LEKR1: variants seen among roughly 807,000 people sequenced by gnomAD.
The protein encoded by LEKR1 is leucine, glutamate and lysine rich 1.
In LEKR1, 59 loss-of-function variants were observed where a neutral mutation model predicts 72.4. The observed-to-expected ratio is 0.82, with a 90% CI of 0.66 to 1.01. The LOEUF (loss-of-function observed/expected upper bound fraction) is 1.01, where lower values mean the gene tolerates loss of function less well. LEKR1 is among the 50% of genes least tolerant of loss of function. LEKR1 has a pLI of 0.00. For synonymous variants in LEKR1, 257 were observed against 263.2 expected (o/e 0.98, Z 0.23); for missense variants, 728 against 759.2 (o/e 0.96, Z 0.48).
chr3:156,849,688 G>T lies in LEKR1; in HGVS notation c.49-3080G>T, dbSNP rs1379545017. 2.0e-5 allele frequency among the ~76,000 whole-genome samples: 3 copies of T among 152,148 alleles called. No individual in the cohort carries two copies. In the South Asian group the frequency reaches 6.2e-4, roughly 32 times the overall value. ...TTCCCTATTTAATAAATGATGCTGGGAAAACTGGCCAGCCATATGTAGAAA... is the reference window on the plus strand; with the variant it reads ...TTCCCTATTTAATAAATGATGCTGGTAAAACTGGCCAGCCATATGTAGAAA... On this transcript the variant is annotated intron_variant, in intron 2 of 12. Transcript: ENST00000356539.
intron 7 of LEKR1, 36 bp downstream of exon 7, chr3:156,979,311 C>A: frequency 3.2e-6 from 3 of 923,990 alleles, no homozygotes; most frequent in Non-Finnish European, 4.6e-6. Flanking sequence ...TATAACAGTG[C>A]TCTGTAGATG....
chr3:156,942,289 A>G (rs1467451630), intron 5 of LEKR1, among the ~76,000 whole-genome samples: 9 of 151,624 alleles, frequency 5.9e-5, no homozygotes, highest in African/African-American at 2.2e-4. Flanking sequence ...AATACAATTT[A>G]AAAGCTAAAA....
intron 3 of LEKR1, among the ~76,000 whole-genome samples, chr3:156,913,727 C>G (rs1216717793): frequency 6.6e-6 from 1 of 152,132 alleles, no homozygotes. Flanking sequence ...AGAACTTTGT[C>G]AAGAGATTGG....
intron 2 of LEKR1, among the ~76,000 whole-genome samples, chr3:156,829,760 A>T (rs1240135202): frequency 6.6e-6 from 1 of 152,218 alleles, no homozygotes; most frequent in Non-Finnish European, 1.5e-5. Context: ...AGCCCCTTTT[A>T]TGCAGATGAC....
At chr3:156,877,729 G>A (rs764557539) in intron 3 of LEKR1, among the ~76,000 whole-genome samples, 3 of 151,850 alleles carry the variant, frequency 2.0e-5, no homozygotes, top group Non-Finnish European at 2.9e-5. Flanking sequence ...CTCACTAATA[G>A]CCTGTCAATT....
intron 2 of LEKR1, among the ~76,000 whole-genome samples, chr3:156,837,264 G>A (rs574456667): frequency 1.3e-5 from 2 of 152,314 alleles, no homozygotes; most frequent in East Asian, 3.9e-4. Flanking sequence ...AAGATGACAA[G>A]AGCCCTGTAG....
At chr3:156,909,387 C>G (rs1211839552) in intron 3 of LEKR1, among the ~76,000 whole-genome samples, 2 of 152,192 alleles carry the variant, frequency 1.3e-5, no homozygotes, top group South Asian at 2.1e-4. Flanking sequence ...GCTGGTGGGT[C>G]ATGCCTGCAA....
At chr3:156,895,441 C>T (rs1003752081) in intron 3 of LEKR1, among the ~76,000 whole-genome samples, 1 of 151,972 alleles carries the variant, frequency 6.6e-6, no homozygotes, top group Non-Finnish European at 1.5e-5. Flanking sequence ...TGGCAGAAAC[C>T]CCATCTCTAC....
chr3:157,008,702 T>A (rs181526648), intron 9 of LEKR1, among the ~76,000 whole-genome samples: 106 of 152,362 alleles, frequency 7.0e-4, no homozygotes, highest in African/African-American at 2.4e-3. Context: ...TTTCTCTCTA[T>A]AATTTTACCA....
intron 2 of LEKR1, chr3:156,851,037 G>A (rs1715296839): frequency 6.6e-6 from 1 of 152,136 alleles, no homozygotes. Context: ...TTAGTAATGA[G>A]ATATTAGAAT....
chr3:156,887,484 A>G (rs1390514772), intron 3 of LEKR1, among the ~76,000 whole-genome samples: 1 of 152,202 alleles, frequency 6.6e-6, no homozygotes, highest in Non-Finnish European at 1.5e-5. Flanking sequence ...AAACGTGTTC[A>G]TAAATATTAT....
Position 157,032,305 on chromosome 3 carries a change from C to T in LEKR1, c.1668+3903C>T, listed in dbSNP as rs73170814. Among the ~76,000 whole-genome samples the T allele has an allele frequency of 6.1e-3, 923 of 152,206 alleles. 3 individuals are homozygous for T. Among genetic ancestry groups the T allele is most frequent in the Non-Finnish European group, 0.01 (682 of 67,988 alleles). ...TCACATACAATCACCGAAGGACAAT[C>T]AGTACAGATAGTTCAATATTTTTGT... On this transcript the variant is annotated intron_variant, in intron 12 of 12. Transcript: ENST00000356539.
chr3:157,028,498 A>G (rs2108037372), intron 12 of LEKR1, 96 bp downstream of exon 12: 1 of 1,048,654 alleles, frequency 9.5e-7, no homozygotes, highest in Non-Finnish European at 1.4e-6. Flanking sequence ...AGTTTCATGG[A>G]AAGAGTCCTG....
Position 156,957,233 on chromosome 3 carries a change from A to G in LEKR1, c.745+14519A>G, listed in dbSNP as rs192268518. Among the ~76,000 whole-genome samples, 11 of 152,220 alleles carry G rather than the reference A, an allele frequency of 7.2e-5. No homozygotes were observed. In the East Asian group the frequency reaches 1.7e-3, roughly 24 times the overall value. On this transcript the variant is annotated intron_variant, in intron 6 of 12. Transcript: ENST00000356539. ...CATTACGCAGACTTTTAAAATGACA[A>G]TATGACCACTGGGCATCAACATAGA...
At chr3:156,923,917 T>A (rs1025135334) in intron 4 of LEKR1, among the ~76,000 whole-genome samples, 1 of 151,996 alleles carries the variant, frequency 6.6e-6, no homozygotes, top group Non-Finnish European at 1.5e-5. Context: ...TTAGTAGAGA[T>A]GGGATTTCAC....
chr3:157,044,626 C>T (rs143848962), intron 12 of LEKR1, among the ~76,000 whole-genome samples: 308 of 152,284 alleles, frequency 2.0e-3, no homozygotes, highest in Non-Finnish European at 3.5e-3. Context: ...TCTGCTCAAA[C>T]CTACGAAGGT....
intron 2 of LEKR1, among the ~76,000 whole-genome samples, chr3:156,843,992 A>G (rs924780894): frequency 1.3e-5 from 2 of 152,118 alleles, no homozygotes; most frequent in African/African-American, 2.4e-5. Flanking sequence ...ATTTTCTTCA[A>G]AATATTATTA....
rs115493368 is a variant in LEKR1 at position 157,032,739 on chromosome 3, A to T, written c.1668+4337A>T. 1.4e-3 allele frequency among the ~76,000 whole-genome samples: 209 copies of T among 152,310 alleles called. 2 individuals are homozygous for T. Among genetic ancestry groups the T allele is most frequent in the Non-Finnish European group, 2.4e-3 (161 of 68,016 alleles). On this transcript the variant is annotated intron_variant, in intron 12 of 12. Transcript: ENST00000356539. ...TGACACAACACTGGAGAGGCTCAGG[A>T]ATTGGAGAAACTAGATGCAGGCATA...
In LEKR1 at chr3:156,871,420, C is replaced by T. The variant is rs193250008; in HGVS notation, c.263+18438C>T. 3.2e-3 allele frequency among the ~76,000 whole-genome samples: 486 copies of T among 152,146 alleles called. 2 individuals are homozygous for T. The highest frequency in any genetic ancestry group is 0.011 in the African/African-American group (438 of 41,508). On this transcript the variant is annotated intron_variant, in intron 3 of 12. Coordinates refer to ENST00000356539, the MANE Select transcript of LEKR1 (RefSeq NM_001004316.3). ...TGAATAATGCCGCAATAAACATACG[C>T]GTGCATGTGTCTTTATAGCAGCATG... is the stretch of plus-strand genomic sequence containing the variant.
Sources: allele counts gnomAD v4.1 joint callset (sites outside exome capture counted in the v4.1 genomes callset), GRCh38; gene constraint gnomAD v4.1.1; transcripts MANE v1.5; gene names NCBI Gene and HGNC (gene_info 2026-07-23, HGNC 2026-07-21).